MARK1: variants seen among roughly 807,000 people sequenced by gnomAD.
MARK1 encodes microtubule affinity regulating kinase 1.
A neutral mutation model predicts 96.3 loss-of-function variants in MARK1; 40 were observed. The observed-to-expected ratio is 0.42, with a 90% confidence interval of 0.32 to 0.54. The LOEUF (loss-of-function observed/expected upper bound fraction) is 0.54. MARK1 is among the 20% of genes least tolerant of loss of function. MARK1 has a pLI of 0.16. For synonymous variants in MARK1, 317 were observed against 341.2 expected, an observed-to-expected ratio of 0.93 and a Z score of 0.78; for missense variants, 719 against 984.6, an observed-to-expected ratio of 0.73 and a Z score of 3.61.
chr1:220,549,030 C>T (rs1661689145), intron 1 of MARK1, among the ~76,000 whole-genome samples: 1 of 152,138 alleles, frequency 6.6e-6, no homozygotes, highest in Non-Finnish European at 1.5e-5. Flanking sequence ...TCTAAAAATA[C>T]AGGCTCAGCC....
chr1:220,548,584 A>T (rs1203829571), intron 1 of MARK1, among the ~76,000 whole-genome samples: 1 of 152,100 alleles, frequency 6.6e-6, no homozygotes, highest in Non-Finnish European at 1.5e-5. Flanking sequence ...TACTGAAAAT[A>T]CAAAAATTAG....
intron 16 of MARK1, among the ~76,000 whole-genome samples, chr1:220,656,859 T>G (rs1212946045): frequency 6.6e-6 from 1 of 152,198 alleles, no homozygotes; most frequent in Admixed American, 6.5e-5. Flanking sequence ...CATAAGGCGT[T>G]CATATTCTTA....
chr1:220,618,028 A>G lies in MARK1; in HGVS notation c.553-282A>G, dbSNP rs1332176333. Among the ~76,000 whole-genome samples the G allele has an allele frequency of 6.6e-6, 1 of 152,248 alleles. No homozygotes were observed. The highest frequency in any genetic ancestry group is 2.4e-5 in the African/African-American group (1 of 41,474). On this transcript the variant is annotated intron_variant, in intron 7 of 17. Transcript: ENST00000366917. This position sits in a 1 kb window ranked among gnomAD's most constrained non-coding sequence, Gnocchi z 4.6. ...TGACTGTGAGGAAAAAAATGAGTTT[A>G]AAATAACCTATGAAAGAAAATAGGT...
At chr1:220,606,368 G>T (rs1558293226) in intron 6 of MARK1, among the ~76,000 whole-genome samples, 1 of 152,098 alleles carries the variant, frequency 6.6e-6, no homozygotes, top group African/African-American at 2.4e-5. Context: ...TTTTGATGGG[G>T]TTGTTTGTTT....
chr1:220,620,475 G>C (rs2102976632), intron 9 of MARK1, among the ~76,000 whole-genome samples: 1 of 152,246 alleles, frequency 6.6e-6, no homozygotes, highest in Admixed American at 6.5e-5. Context: ...CAAAGTTGAA[G>C]CAGCAGCTTA....
intron 17 of MARK1, among the ~76,000 whole-genome samples, chr1:220,658,386 A>T (rs1669290156): frequency 6.6e-6 from 1 of 152,166 alleles, no homozygotes; most frequent in South Asian, 2.1e-4. Flanking sequence ...AAGGCTTGAT[A>T]AAAAGGTTGC....
chr1:220,552,983 G>A (rs893457613), intron 1 of MARK1, among the ~76,000 whole-genome samples: 19 of 152,136 alleles, frequency 1.2e-4, no homozygotes, highest in African/African-American at 4.6e-4. Flanking sequence ...CTTCATCCCT[G>A]CCATCATGGC....
At chr1:220,632,690 A>G (rs1572206858) in intron 11 of MARK1, among the ~76,000 whole-genome samples, 1 of 152,286 alleles carries the variant, frequency 6.6e-6, no homozygotes, top group African/African-American at 2.4e-5. Context: ...AATAAAATGT[A>G]TGTCTTAAAG....
chr1:220,626,012 G>A (rs543714323), intron 9 of MARK1: 38 of 550,128 alleles, frequency 6.9e-5, no homozygotes, highest in South Asian at 4.5e-4. Flanking sequence ...AGCAGATGCA[G>A]ATTCAACGTC....
Position 220,587,329 on chromosome 1 carries a change from TTC to T in MARK1, c.309+6233_309+6234del, listed in dbSNP as rs57932958. ...CCTCCCTCCCTCTCTCTCTCTTTCTTTCTCTCTCTCTCTCTCTCTCTCTGTCT... is the reference window on the plus strand; with the variant it reads ...CCTCCCTCCCTCTCTCTCTCTTTCTTTCTCTCTCTCTCTCTCTCTCTGTCT... On this transcript the variant is annotated intron_variant, in intron 3 of 17. Coordinates refer to ENST00000366917, the MANE Select transcript of MARK1 (RefSeq NM_018650.5). 2.8e-3 allele frequency among the ~76,000 whole-genome samples: 384 copies of T among 135,938 alleles called. 4 individuals carry two copies. The highest frequency in any genetic ancestry group is 7.4e-3 in the African/African-American group (264 of 35,804). 89.2% of individuals were successfully genotyped at this position (135,938 alleles called of 152,430 possible).
intron 3 of MARK1, among the ~76,000 whole-genome samples, chr1:220,587,500 C>G (rs1039788661): frequency 5.3e-5 from 8 of 152,104 alleles, no homozygotes; most frequent in Admixed American, 1.3e-4. Flanking sequence ...TCCCAAGTAG[C>G]TGGGATTACA....
intron 16 of MARK1, among the ~76,000 whole-genome samples, chr1:220,656,352 ATAGGGTC>A (rs1291625587): frequency 6.6e-6 from 1 of 152,196 alleles, no homozygotes; most frequent in African/African-American, 2.4e-5. Context: ...AGCAGAGGAG[ATAGGGTC>A]TAAGGGACAT....
chr1:220,578,680 C>T lies in MARK1; in HGVS notation c.52-674C>T, dbSNP rs78449509. 9.9e-5 allele frequency among the ~76,000 whole-genome samples: 15 copies of T among 152,254 alleles called. No individual in the cohort carries two copies. In the East Asian group the frequency reaches 2.9e-3, roughly 29 times the overall value. ...ATTTATACCCATGAGGTTGTCTTGGCAATAAAGACATTCTGCCTTTTTAAT... is the reference window on the plus strand; with the variant it reads ...ATTTATACCCATGAGGTTGTCTTGGTAATAAAGACATTCTGCCTTTTTAAT... On this transcript the variant is annotated intron_variant, in intron 1 of 17. Transcript: ENST00000366917.
At chr1:220,541,882 G>T (rs1007538816) in intron 1 of MARK1, among the ~76,000 whole-genome samples, 4 of 151,996 alleles carry the variant, frequency 2.6e-5, no homozygotes, top group African/African-American at 9.7e-5. Context: ...TCTTCATTTG[G>T]TGCAATTAGT....
intron 1 of MARK1, among the ~76,000 whole-genome samples, chr1:220,552,863 C>T (rs954060273): frequency 3.9e-5 from 6 of 152,136 alleles, no homozygotes; most frequent in South Asian, 2.1e-4. Context: ...CACCCCCTGC[C>T]GCCTGCCACC....
intron 9 of MARK1, among the ~76,000 whole-genome samples, chr1:220,630,033 C>G (rs1667582311): frequency 6.6e-6 from 1 of 152,136 alleles, no homozygotes; most frequent in Non-Finnish European, 1.5e-5. Context: ...GTACTATTTT[C>G]CATAGCAGCT....
intron 14 of MARK1, 26 bp from the exon 15 acceptor site, chr1:220,651,960 T>C: frequency 6.8e-7 from 1 of 1,480,034 alleles, no homozygotes; most frequent in South Asian, 1.5e-5. Context: ...TTTTCCATGG[T>C]CTTCTCAACT....
In MARK1 at chr1:220,635,838, C is replaced by T; in HGVS notation, c.1282C>T (p.Pro428Ser). ...KQRRFSDHAG[P>S]SIPPAVSYTK... The stretch of plus-strand genomic sequence containing the variant: ...TATTTTTAAAAAAATTATAGCTGGT[C>T]CATCCATTCCTCCTGCTGTATCATA... The change falls in exon 13 of 18, where the codon CCA becomes TCA. Residue 428 changes from proline to serine, a missense_variant. This residue lies in a region of MARK1 where 501 missense variants were observed against 588.3 expected (regional missense o/e 0.85). Coordinates refer to ENST00000366917, the MANE Select transcript of MARK1 (RefSeq NM_018650.5). 6.3e-7 allele frequency: 1 copy of T among 1,579,546 alleles called. No homozygotes were observed. Among genetic ancestry groups the T allele is most frequent in the South Asian group, 1.2e-5 (1 of 84,532 alleles).
Position 220,635,898 on chromosome 1 carries a change from G to C in MARK1, c.1342G>C (p.Glu448Gln), listed in dbSNP as rs1396027034. Residue 448 changes from glutamate (E) to glutamine (Q), a missense_variant, in exon 13 of 18, where the codon GAA becomes CAA. Physicochemically the swap from Glu to Gln is conservative, Grantham distance 29 (BLOSUM62 2). This residue lies in a region of MARK1 where 501 missense variants were observed against 588.3 expected (regional missense o/e 0.85). Coordinates refer to ENST00000366917, the MANE Select transcript of MARK1 (RefSeq NM_018650.5). ...ACCTCAGGCTAACAGTGTGGAAAGT[G>C]AACAGAAAGAGGAGTGGGACAAAGA... ...KRPQANSVES[E>Q]QKEEWDKDVA... 6.2e-7 allele frequency: 1 copy of C among 1,614,000 alleles called. No individual in the cohort carries two copies. Among genetic ancestry groups the C allele is most frequent in the Non-Finnish European group, 8.5e-7 (1 of 1,179,976 alleles).
Sources: allele counts gnomAD v4.1 joint callset (sites outside exome capture counted in the v4.1 genomes callset), GRCh38; gene constraint gnomAD v4.1.1; regional missense constraint gnomAD v4.1.1; non-coding constraint Gnocchi (gnomAD v3.1); transcripts MANE v1.5; gene names NCBI Gene and HGNC (gene_info 2026-07-23, HGNC 2026-07-21).